Variants in HECTD4 observed in about 807,000 individuals in gnomAD.
HECTD4 encodes HECT domain E3 ubiquitin protein ligase 4.
Under a neutral mutation model 471.5 loss-of-function variants are expected in HECTD4, and 114 were observed. The ratio of observed to expected loss-of-function variants is 0.24; its 90% CI spans 0.21 to 0.28. The LOEUF is 0.28. Ranked by LOEUF, HECTD4 falls within the 10% of genes least tolerant of loss-of-function variation. The probability of loss-of-function intolerance (pLI) is 1.00; values close to 1 mark genes in which losing one functional copy is unlikely to be tolerated. For missense variants in HECTD4, 3,866 were observed against 5,651.5 expected, an observed-to-expected ratio of 0.68 and a Z score of 10.13; for synonymous variants, 2,012 against 2,256.0, an observed-to-expected ratio of 0.89 and a Z score of 3.07.
rs148917203 is a variant in HECTD4 at position 112,245,112 on chromosome 12, C to T, written c.4514-1103G>A. Among the ~76,000 whole-genome samples, 830 of 152,306 alleles carry T rather than the reference C, an allele frequency of 5.4e-3. 22 individuals are homozygous for T. The highest frequency in any genetic ancestry group is 0.032 in the Admixed American group (483 of 15,296). On this transcript the variant is annotated intron_variant, in intron 29 of 75. Transcript: ENST00000682272. ...TGAACTCCTGGACTCAAGCAATCCT[C>T]CCAACTCAGCCTCCCAAGTAGCTGG... is the stretch of plus-strand genomic sequence containing the variant.
intron 13 of HECTD4, among the ~76,000 whole-genome samples, chr12:112,267,749 C>T (rs1004188002): frequency 8.5e-5 from 13 of 152,142 alleles, no homozygotes; most frequent in African/African-American, 3.1e-4. Context: ...AAGGGAAGAA[C>T]AATATTGCAA....
intron 1 of HECTD4, among the ~76,000 whole-genome samples, chr12:112,324,084 T>C (rs150769226): frequency 0.054 from 4,652 of 85,482 alleles, 1,092 homozygotes; most frequent in East Asian, 0.5. Flanking sequence ...CTTTCTTTCT[T>C]TCTTTCTTTC....
chr12:112,210,352 T>C (rs566102582), intron 49 of HECTD4, 100 bp from the exon 50 acceptor site: 22 of 1,240,540 alleles, frequency 1.8e-5, no homozygotes, highest in African/African-American at 2.9e-5. Context: ...CTTGGAAGAA[T>C]AGCCCGAGGT....
At chr12:112,318,434 G>T (rs951937718) in intron 2 of HECTD4, among the ~76,000 whole-genome samples, 2 of 151,906 alleles carry the variant, frequency 1.3e-5, no homozygotes, top group African/African-American at 4.8e-5. Context: ...GGGTGCAGTG[G>T]CGCCAACTTG....
At chr12:112,353,431 CAT>C (rs2036280665) in intron 1 of HECTD4, among the ~76,000 whole-genome samples, 6 of 152,152 alleles carry the variant, frequency 3.9e-5, no homozygotes, top group African/African-American at 1.4e-4. Context: ...TATAGAAGAA[CAT>C]ATATTACTAA....
At chr12:112,231,817 T>G in intron 38 of HECTD4, 102 bp from the exon 39 acceptor site, 1 of 845,250 alleles carries the variant, frequency 1.2e-6, no homozygotes, top group South Asian at 1.7e-5. Context: ...TCCACACTCA[T>G]TTTTTTTTAA....
intron 54 of HECTD4, 102 bp downstream of exon 54, chr12:112,203,534 A>T: frequency 1.0e-6 from 1 of 966,976 alleles, no homozygotes; most frequent in Non-Finnish European, 1.5e-6. Context: ...ATTTGAAGAG[A>T]AACTCATCTG....
At chr12:112,200,936 A>G (rs2032410631) in intron 54 of HECTD4, 138 bp from the exon 55 acceptor site, 6 of 762,498 alleles carry the variant, frequency 7.9e-6, no homozygotes, top group African/African-American at 7.1e-5. Flanking sequence ...GCTTTTAGGT[A>G]TTATAATTTG....
In HECTD4 at chr12:112,224,927, G is replaced by A. The variant is rs1247452999; in HGVS notation, c.6970+1716C>T. Among the ~76,000 whole-genome samples the A allele has an allele frequency of 2.0e-5, 3 of 152,154 alleles. No homozygotes were observed. The East Asian group carries it at 5.8e-4, about 29-fold the overall frequency. On this transcript the variant is annotated intron_variant, in intron 44 of 75. Transcript: ENST00000682272. Reference sequence around the variant, plus strand: ...ATGCTGCTATAATCAGTCAAAATATGTCTTCGAATGCAATCTAAGCCAACA... The same window carrying A: ...ATGCTGCTATAATCAGTCAAAATATATCTTCGAATGCAATCTAAGCCAACA...
chr12:112,319,083 G>T lies in HECTD4; in HGVS notation c.695+142C>A. The stretch of plus-strand genomic sequence containing the variant: ...TGAAAGCATCTCATGCACTGTCAAG[G>T]CTGTGAAATTCAATACTGAAAGCAA... On this transcript the variant is annotated intron_variant, in intron 2 of 75. Coordinates refer to ENST00000682272, the MANE Select transcript of HECTD4 (RefSeq NM_001388303.1). This position sits in a 1 kb window ranked among gnomAD's most constrained non-coding sequence, Gnocchi z 5.3. 3 of 898,614 alleles carry T rather than the reference G, an allele frequency of 3.3e-6. No individual in the cohort carries two copies. Among genetic ancestry groups the T allele is most frequent in the Non-Finnish European group, 4.9e-6 (3 of 607,318 alleles). 55.7% of individuals were successfully genotyped at this position (898,614 alleles called of 1,614,324 possible).
At chr12:112,175,366 G>A (rs1341772586) in intron 66 of HECTD4, among the ~76,000 whole-genome samples, 1 of 152,174 alleles carries the variant, frequency 6.6e-6, no homozygotes, top group African/African-American at 2.4e-5. Flanking sequence ...TGAGAAGGTG[G>A]CAGTCTGGGA....
chr12:112,189,355 A>G (rs2031995008), intron 60 of HECTD4, among the ~76,000 whole-genome samples: 1 of 151,878 alleles, frequency 6.6e-6, no homozygotes, highest in Non-Finnish European at 1.5e-5. Flanking sequence ...GATCGAGACT[A>G]TCCTGGCTAA....
At chr12:112,181,167 C>CA (rs201448504) in intron 62 of HECTD4, among the ~76,000 whole-genome samples, 8,042 of 127,568 alleles carry the variant, frequency 0.063, 1,197 homozygotes, top group East Asian at 0.62. Flanking sequence ...GACTCCATCT[C>CA]AAAAAAAAAA....
intron 1 of HECTD4, among the ~76,000 whole-genome samples, chr12:112,372,251 C>T (rs117739303): frequency 3.3e-5 from 5 of 151,228 alleles, no homozygotes; most frequent in African/African-American, 7.3e-5. Flanking sequence ...TAGCCAACCA[C>T]GCCCCGCTAA....
intron 7 of HECTD4, among the ~76,000 whole-genome samples, chr12:112,284,282 C>T (rs1267621766): frequency 6.6e-6 from 1 of 152,198 alleles, no homozygotes; most frequent in Non-Finnish European, 1.5e-5. Flanking sequence ...TAAAATATCA[C>T]CCCTTTTGTC....
At chr12:112,203,867 A>C (rs1593926126) in intron 53 of HECTD4, 95 bp from the exon 54 acceptor site, 2 of 614,978 alleles carry the variant, frequency 3.3e-6, no homozygotes, top group East Asian at 3.2e-5. Context: ...AGATAAACAT[A>C]AAATAATAAA....
At chr12:112,279,619 G>A (rs760723348) in intron 8 of HECTD4, among the ~76,000 whole-genome samples, 1 of 152,152 alleles carries the variant, frequency 6.6e-6, no homozygotes, top group Non-Finnish European at 1.5e-5. Flanking sequence ...AACATTTCTT[G>A]ACAGTGCTCC....
chr12:112,282,219 T>C (rs888181366), intron 8 of HECTD4, among the ~76,000 whole-genome samples: 2 of 152,030 alleles, frequency 1.3e-5, no homozygotes, highest in African/African-American at 4.8e-5. Context: ...CCGTCTCTAC[T>C]AAAAATACAA....
intron 20 of HECTD4, 57 bp downstream of exon 20, chr12:112,258,439 C>T (rs545366767): frequency 2.3e-5 from 29 of 1,246,464 alleles, no homozygotes; most frequent in South Asian, 8.9e-5. Context: ...AGGAGTACTA[C>T]GCTTTCACCC....
Sources: gnomAD v4.1 joint callset for allele counts (sites outside exome capture counted in the v4.1 genomes callset) on GRCh38, gnomAD v4.1.1 for gene constraint, Gnocchi (gnomAD v3.1) non-coding constraint, MANE v1.5 for transcripts, NCBI Gene and HGNC (gene_info 2026-07-23, HGNC 2026-07-21) for gene names.